Variants in VAV3 observed in about 807,000 individuals in gnomAD.
The protein encoded by VAV3 is guanine nucleotide exchange factor VAV3.
In VAV3, 94 loss-of-function variants were observed where a neutral mutation model predicts 131.2. The ratio of observed to expected loss-of-function variants is 0.72; its 90% confidence interval spans 0.61 to 0.85. The LOEUF is 0.85. VAV3 is among the 40% of genes least tolerant of loss of function. The pLI, the probability that VAV3 is intolerant of heterozygous loss-of-function variation, is 0.00. For synonymous variants in VAV3, 349 were observed against 342.0 expected, an observed-to-expected ratio of 1.02 and a Z score of -0.22; for missense variants, 939 against 1,002.7, an observed-to-expected ratio of 0.94 and a Z score of 0.86.
chr1:107,809,231 T>C (rs2102325760), intron 2 of VAV3, among the ~76,000 whole-genome samples: 1 of 152,300 alleles, frequency 6.6e-6, no homozygotes. Context: ...CACTGTCAGT[T>C]CAGCAATATT....
At chr1:107,626,529 A>G (rs1324523049) in intron 20 of VAV3, among the ~76,000 whole-genome samples, 1 of 152,132 alleles carries the variant, frequency 6.6e-6, no homozygotes, top group Middle Eastern at 3.2e-3. Context: ...TTTTATCCCC[A>G]TGGCCACAGT....
chr1:107,574,230 T>G (rs1160425094), intron 25 of VAV3, 32 bp from the exon 26 acceptor site: 2 of 1,605,280 alleles, frequency 1.2e-6, no homozygotes, highest in African/African-American at 1.3e-5. Flanking sequence ...TGACAGTAGG[T>G]TTGCAGTTCG....
At chr1:107,779,303 T>C in intron 3 of VAV3, 131 bp downstream of exon 3, 2 of 677,800 alleles carry the variant, frequency 3.0e-6, no homozygotes, top group Non-Finnish European at 2.2e-6. Context: ...ACGGGATACT[T>C]ACATACCAGG....
At chr1:107,657,972 A>G (rs893045549) in intron 19 of VAV3, among the ~76,000 whole-genome samples, 1 of 152,204 alleles carries the variant, frequency 6.6e-6, no homozygotes, top group African/African-American at 2.4e-5. Flanking sequence ...TGTAGGTTTT[A>G]GTTTTTATTT....
chr1:107,745,975 C>T (rs1336133111), intron 15 of VAV3, among the ~76,000 whole-genome samples: 1 of 152,190 alleles, frequency 6.6e-6, no homozygotes, highest in African/African-American at 2.4e-5. Context: ...ATACACAAGG[C>T]TTGCTGTTCT....
intron 15 of VAV3, among the ~76,000 whole-genome samples, chr1:107,714,936 T>C (rs554915100): frequency 6.6e-5 from 10 of 152,310 alleles, no homozygotes; most frequent in African/African-American, 2.2e-4. Context: ...ATTTTAAATA[T>C]ACATCTGTCA....
intron 21 of VAV3, among the ~76,000 whole-genome samples, chr1:107,615,727 A>G (rs1054399468): frequency 6.6e-6 from 1 of 152,194 alleles, no homozygotes; most frequent in Non-Finnish European, 1.5e-5. Flanking sequence ...TCCAGCATCT[A>G]TAAAAAATGT....
At chr1:107,783,596 G>A (rs540011834) in intron 2 of VAV3, among the ~76,000 whole-genome samples, 54 of 152,190 alleles carry the variant, frequency 3.5e-4, no homozygotes, top group Non-Finnish European at 6.0e-4. Flanking sequence ...CTTCTACATG[G>A]TGGACATGTA....
intron 20 of VAV3, among the ~76,000 whole-genome samples, chr1:107,624,095 G>T (rs1653809705): frequency 6.6e-6 from 1 of 152,064 alleles, no homozygotes; most frequent in East Asian, 1.9e-4. Context: ...AATTTTGGCA[G>T]ATGGAAGTGT....
At chr1:107,750,193 G>A (rs1663623926) in intron 13 of VAV3, among the ~76,000 whole-genome samples, 1 of 152,096 alleles carries the variant, frequency 6.6e-6, no homozygotes, top group African/African-American at 2.4e-5. Flanking sequence ...GTCTAATTTT[G>A]GAAACTGTGC....
intron 5 of VAV3, 121 bp downstream of exon 5, chr1:107,772,614 T>C: frequency 1.3e-6 from 1 of 749,690 alleles, no homozygotes; most frequent in Non-Finnish European, 2.1e-6. Flanking sequence ...GTCATAATTA[T>C]ATAGTTATAA....
chr1:107,690,405 G>C (rs1417327470), intron 17 of VAV3, among the ~76,000 whole-genome samples: 3 of 152,070 alleles, frequency 2.0e-5, no homozygotes, highest in Non-Finnish European at 4.4e-5. Flanking sequence ...CAGAAGTCCT[G>C]CATTTACAGG....
intron 25 of VAV3, among the ~76,000 whole-genome samples, chr1:107,585,313 T>C (rs980306634): frequency 6.6e-6 from 1 of 152,220 alleles, no homozygotes; most frequent in Non-Finnish European, 1.5e-5. Context: ...GATTGCTGTA[T>C]GGGCCTAACT....
At chr1:107,795,498 T>C (rs1471188116) in intron 2 of VAV3, among the ~76,000 whole-genome samples, 5 of 152,220 alleles carry the variant, frequency 3.3e-5, no homozygotes, top group African/African-American at 1.2e-4. Flanking sequence ...GTTTTCTTTT[T>C]ATTATCTTCT....
At chr1:107,924,391 A>AC (rs1318434924) in intron 1 of VAV3, among the ~76,000 whole-genome samples, 1 of 149,126 alleles carries the variant, frequency 6.7e-6, no homozygotes, top group Non-Finnish European at 1.5e-5. Flanking sequence ...CGATATTATG[A>AC]CAAAAAAAAA....
intron 2 of VAV3, among the ~76,000 whole-genome samples, chr1:107,815,002 C>T (rs146286550): frequency 1.5e-3 from 231 of 152,136 alleles, no homozygotes; most frequent in African/African-American, 5.4e-3. Flanking sequence ...AGAGAGCCCC[C>T]AAAAGTTCCT....
chr1:107,726,185 T>G (rs1290260872), intron 15 of VAV3, among the ~76,000 whole-genome samples: 2 of 152,184 alleles, frequency 1.3e-5, no homozygotes, highest in Non-Finnish European at 2.9e-5. Flanking sequence ...AAAGCACTTT[T>G]GGTTCAGACA....
At chr1:107,947,095 T>C (rs971280038) in intron 1 of VAV3, among the ~76,000 whole-genome samples, 2 of 152,134 alleles carry the variant, frequency 1.3e-5, no homozygotes, top group African/African-American at 4.8e-5. Context: ...GCCTATAACC[T>C]TTTTGCTATA....
At chr1:107,963,001 C>T (rs547339247) in intron 1 of VAV3, among the ~76,000 whole-genome samples, 65 of 152,230 alleles carry the variant, frequency 4.3e-4, no homozygotes, top group African/African-American at 1.4e-3. Context: ...AATCTTTGGT[C>T]ATCAGAAAGA....
Sources: gnomAD v4.1 joint callset for allele counts (sites outside exome capture counted in the v4.1 genomes callset) on GRCh38, gnomAD v4.1.1 for gene constraint, MANE v1.5 for transcripts, NCBI Gene and HGNC (gene_info 2026-07-23, HGNC 2026-07-21) for gene names.